The following NMNAT3 variants were observed in gnomAD, a reference collection of about 807,000 sequenced individuals.
NMNAT3 encodes nicotinamide nucleotide adenylyltransferase 3, also known as nicotinamide/nicotinic acid mononucleotide adenylyltransferase 3.
NMNAT3 carries 21 observed loss-of-function variants against 24.8 expected under a neutral mutation model. That is an observed-to-expected ratio of 0.85 (90% CI 0.60 to 1.22). The LOEUF is 1.22. NMNAT3 is among the 50% of genes most tolerant of loss of function. The pLI is 0.00. For synonymous variants in NMNAT3, 136 were observed against 155.2 expected, an observed-to-expected ratio of 0.88 and a Z score of 0.92; for missense variants, 387 against 436.6, an observed-to-expected ratio of 0.89 and a Z score of 1.01.
intron 3 of NMNAT3, among the ~76,000 whole-genome samples, chr3:139,626,919 G>T (rs2056075293): frequency 6.6e-6 from 1 of 151,870 alleles, no homozygotes; most frequent in South Asian, 2.1e-4. Flanking sequence ...ATACATATAT[G>T]AATACATAAT....
rs2053980965 is a variant in NMNAT3, at chr3:139,587,369, A to G, written c.110-4161T>C. On this transcript the variant is annotated intron_variant, in intron 3 of 6. Coordinates refer to ENST00000643695, the MANE Select transcript of NMNAT3 (RefSeq NM_001320510.2). Reference sequence around the variant, plus strand: ...ATGGGGAGCCAAGGCACAGGTCCAGACAACAGGGATATAATGCCTGAGACA... The same window carrying G: ...ATGGGGAGCCAAGGCACAGGTCCAGGCAACAGGGATATAATGCCTGAGACA... 3.9e-5 allele frequency among the ~76,000 whole-genome samples: 6 copies of G among 152,160 alleles called. No homozygotes were observed. The South Asian group carries it at 1.2e-3, about 32-fold the overall frequency.
At chr3:139,606,798 T>C (rs2054966478) in intron 3 of NMNAT3, among the ~76,000 whole-genome samples, 1 of 152,236 alleles carries the variant, frequency 6.6e-6, no homozygotes, top group Admixed American at 6.5e-5. Context: ...TATGGATTCA[T>C]GGGTACTTAT....
chr3:139,563,340 T>C (rs1936705002), intron 6 of NMNAT3, among the ~76,000 whole-genome samples: 1 of 152,206 alleles, frequency 6.6e-6, no homozygotes, highest in Non-Finnish European at 1.5e-5. Flanking sequence ...TAGTTTTATG[T>C]GGTCTTCCTA....
chr3:139,651,930 A>T (rs894434121), intron 1 of NMNAT3, among the ~76,000 whole-genome samples: 1 of 152,212 alleles, frequency 6.6e-6, no homozygotes, highest in Non-Finnish European at 1.5e-5. Context: ...GGAAACTGAC[A>T]GCCTGGGGAC....
chr3:139,571,187 G>A (rs1938251504), intron 6 of NMNAT3: 4 of 152,466 alleles, frequency 2.6e-5, no homozygotes, highest in African/African-American at 9.6e-5. Context: ...CGTTTTTTAA[G>A]CCCATTGGAA....
chr3:139,610,038 AGAG>A (rs2055135176), intron 3 of NMNAT3: 1 of 152,230 alleles, frequency 6.6e-6, no homozygotes, highest in Non-Finnish European at 1.5e-5. Context: ...GGAAAAGAGA[AGAG>A]GATGGGAAAA....
At chr3:139,670,464 G>A (rs982464587) in intron 1 of NMNAT3, among the ~76,000 whole-genome samples, 1 of 152,240 alleles carries the variant, frequency 6.6e-6, no homozygotes, top group East Asian at 1.9e-4. Context: ...ACACTTCCCC[G>A]GCTAATTTCC....
intron 3 of NMNAT3, 135 bp downstream of exon 4, chr3:139,627,481 G>T: frequency 1.7e-6 from 1 of 571,820 alleles, no homozygotes; most frequent in South Asian, 2.4e-5. Flanking sequence ...CTTTGAATAT[G>T]ATGAAAAAAA....
intron 3 of NMNAT3, chr3:139,599,482 A>T: frequency 2.9e-6 from 2 of 691,390 alleles, no homozygotes; most frequent in Non-Finnish European, 5.2e-6. Context: ...AGAGATCAGG[A>T]GCAACTGTCA....
intron 6 of NMNAT3, chr3:139,568,478 T>C (rs1309561699): frequency 6.6e-6 from 1 of 152,248 alleles, no homozygotes; most frequent in Non-Finnish European, 1.5e-5. Flanking sequence ...TTGTGGCCTT[T>C]AGTGCTATAA....
intron 3 of NMNAT3, among the ~76,000 whole-genome samples, chr3:139,608,150 T>C (rs953693224): frequency 6.6e-6 from 1 of 152,222 alleles, no homozygotes; most frequent in African/African-American, 2.4e-5. Context: ...AAGACAAAGA[T>C]GGTTACTGGC....
chr3:139,581,472 T>C (rs962882934), intron 4 of NMNAT3, among the ~76,000 whole-genome samples: 6 of 152,034 alleles, frequency 3.9e-5, no homozygotes, highest in African/African-American at 1.5e-4. Context: ...CAGATAACAC[T>C]AATTGTAGCA....
chr3:139,566,472 C>A (rs1353316741), intron 6 of NMNAT3: 2 of 152,158 alleles, frequency 1.3e-5, no homozygotes, highest in Non-Finnish European at 2.9e-5. Flanking sequence ...CCTAGGTTTT[C>A]TTCTAGGGTT....
At chr3:139,627,375 T>C (rs1430302554) in intron 3 of NMNAT3, among the ~76,000 whole-genome samples, 2 of 152,062 alleles carry the variant, frequency 1.3e-5, no homozygotes, top group African/African-American at 4.8e-5. Context: ...TCATTGCCAA[T>C]GTGAGGTGGG....
At chr3:139,584,750 G>A (rs1403315033) in intron 3 of NMNAT3, among the ~76,000 whole-genome samples, 1 of 152,128 alleles carries the variant, frequency 6.6e-6, no homozygotes, top group Non-Finnish European at 1.5e-5. Context: ...GTGAGTTTTG[G>A]TAAATGTCCT....
intron 2 of NMNAT3, among the ~76,000 whole-genome samples, chr3:139,630,536 T>TTC (rs1453659988): frequency 6.6e-6 from 1 of 152,172 alleles, no homozygotes; most frequent in East Asian, 1.9e-4. Context: ...CAGTAAACCC[T>TTC]TTAGGAAGGG....
intron 1 of NMNAT3, among the ~76,000 whole-genome samples, chr3:139,649,649 T>C (rs1394017580): frequency 6.6e-6 from 1 of 152,166 alleles, no homozygotes; most frequent in Non-Finnish European, 1.5e-5. Flanking sequence ...TTAGCTATTG[T>C]ACGCAGCCCT....
chr3:139,591,941 C>T (rs1490617908), intron 3 of NMNAT3, among the ~76,000 whole-genome samples: 3 of 152,338 alleles, frequency 2.0e-5, no homozygotes, highest in East Asian at 1.9e-4. Flanking sequence ...CGCAGTTCCT[C>T]ACCAGCAATG....
intron 1 of NMNAT3, among the ~76,000 whole-genome samples, chr3:139,676,381 T>A (rs1576816396): frequency 6.6e-6 from 1 of 152,362 alleles, no homozygotes; most frequent in South Asian, 2.1e-4. Flanking sequence ...CTTAGCAAGG[T>A]CCCAGCATAG....
Sources: gnomAD v4.1 joint callset for allele counts (sites outside exome capture counted in the v4.1 genomes callset) on GRCh38, gnomAD v4.1.1 for gene constraint, MANE v1.5 for transcripts, NCBI Gene and HGNC (gene_info 2026-07-23, HGNC 2026-07-21) for gene names.